ME2: variants seen among roughly 807,000 people sequenced by gnomAD.
ME2 encodes the protein NAD-dependent malic enzyme, mitochondrial.
A neutral mutation model predicts 73.7 loss-of-function variants in ME2; 60 were observed. That is an observed-to-expected ratio of 0.81 (90% CI 0.66 to 1.01). ME2 has a LOEUF of 1.01. ME2 is among the 50% of genes least tolerant of loss of function. The pLI is 0.00. For missense variants in ME2, 594 were observed against 705.5 expected (o/e 0.84, Z 1.79); for synonymous variants, 199 against 236.9 (o/e 0.84, Z 1.47).
intron 4 of ME2, among the ~76,000 whole-genome samples, chr18:50,913,869 A>ACACACACACACACACG (rs1917223073): frequency 2.0e-5 from 3 of 151,784 alleles, no homozygotes; most frequent in Admixed American, 1.3e-4. Context: ...ATACACACAC[A>ACACACACACACACACG]CACACACACA....
At chr18:50,886,167 T>A (rs574243835) in intron 1 of ME2, among the ~76,000 whole-genome samples, 2,623 of 149,010 alleles carry the variant, frequency 0.018, 73 homozygotes, top group African/African-American at 0.059. Flanking sequence ...ATTTAAAATT[T>A]AAAAAAAAAG....
At chr18:50,890,617 A>G (rs1916586229) in intron 1 of ME2, among the ~76,000 whole-genome samples, 1 of 152,212 alleles carries the variant, frequency 6.6e-6, no homozygotes, top group South Asian at 2.1e-4. Flanking sequence ...ACCTTTAAAT[A>G]ACCTCTAAAC....
chr18:50,925,198 G>A (rs1466929577), intron 11 of ME2, among the ~76,000 whole-genome samples: 3 of 152,118 alleles, frequency 2.0e-5, no homozygotes, highest in Non-Finnish European at 4.4e-5. Context: ...TTAAAAATTG[G>A]TTGGGCATGG....
chr18:50,888,959 A>G (rs768904733), intron 1 of ME2, among the ~76,000 whole-genome samples: 4 of 152,136 alleles, frequency 2.6e-5, no homozygotes, highest in African/African-American at 2.4e-5. Context: ...ATTTGTAAAG[A>G]TCAAGCCAGT....
At chr18:50,932,490 A>T (rs189147174) in intron 13 of ME2, 130 bp downstream of exon 13, 46 of 534,120 alleles carry the variant, frequency 8.6e-5, no homozygotes, top group Non-Finnish European at 1.4e-4. Context: ...GTACAAGGAA[A>T]CTCAAGGAAT....
chr18:50,907,740 G>A (rs616771), intron 2 of ME2, among the ~76,000 whole-genome samples: 103,913 of 151,992 alleles, frequency 0.68, 35,935 homozygotes, highest in African/African-American at 0.79. Flanking sequence ...ATGCCTTTGT[G>A]TGCCATTAAG....
intron 7 of ME2, among the ~76,000 whole-genome samples, chr18:50,918,815 A>G (rs1917352415): frequency 6.6e-6 from 1 of 150,770 alleles, no homozygotes; most frequent in African/African-American, 2.4e-5. Context: ...TATGCATGTT[A>G]CTACTAAACC....
At chr18:50,898,955 T>C (rs79249063) in intron 2 of ME2, among the ~76,000 whole-genome samples, 1 of 152,246 alleles carries the variant, frequency 6.6e-6, no homozygotes, top group Non-Finnish European at 1.5e-5. Flanking sequence ...TTTCTCCCCA[T>C]GCTCATTTGG....
intron 15 of ME2, chr18:50,945,271 C>G (rs1398318844): frequency 2.0e-5 from 3 of 152,234 alleles, no homozygotes; most frequent in African/African-American, 4.8e-5. Context: ...GTGCCCGCCA[C>G]CACGCCTGAC....
intron 2 of ME2, among the ~76,000 whole-genome samples, chr18:50,898,900 G>A (rs1340554391): frequency 6.6e-6 from 1 of 152,146 alleles, no homozygotes; most frequent in Non-Finnish European, 1.5e-5. Context: ...AATAGCATTT[G>A]GAAACATTTA....
At chr18:50,922,225 G>A (rs1233048925) in intron 10 of ME2, among the ~76,000 whole-genome samples, 1 of 152,212 alleles carries the variant, frequency 6.6e-6, no homozygotes, top group Non-Finnish European at 1.5e-5. Flanking sequence ...TGTAATAGTA[G>A]TTATATACCA....
intron 10 of ME2, among the ~76,000 whole-genome samples, chr18:50,921,829 T>A (rs1453531615): frequency 6.6e-6 from 1 of 152,206 alleles, no homozygotes; most frequent in African/African-American, 2.4e-5. Context: ...GAAACCAATT[T>A]ATGGATAATA....
intron 2 of ME2, among the ~76,000 whole-genome samples, chr18:50,902,368 T>TA (rs1916911329): frequency 6.6e-6 from 1 of 152,246 alleles, no homozygotes; most frequent in Non-Finnish European, 1.5e-5. Flanking sequence ...ATATGACTAA[T>TA]AAAAGATTTA....
chr18:50,929,500 A>AC (rs1277095859), intron 12 of ME2, among the ~76,000 whole-genome samples: 1 of 151,396 alleles, frequency 6.6e-6, no homozygotes, highest in African/African-American at 2.4e-5. Flanking sequence ...AAAAAAAAAA[A>AC]ACCAACAAAA....
intron 1 of ME2, among the ~76,000 whole-genome samples, chr18:50,894,681 C>G (rs902189582): frequency 1.3e-5 from 2 of 151,764 alleles, no homozygotes; most frequent in African/African-American, 4.8e-5. Flanking sequence ...CCATCCTGGA[C>G]AACACAGTGA....
At chr18:50,939,254 G>A (rs1917889419) in intron 13 of ME2, 1 of 197,194 alleles carries the variant, frequency 5.1e-6, no homozygotes, top group South Asian at 1.3e-4. Flanking sequence ...TGTAGAGCAA[G>A]AAGTGGAGTG....
At chr18:50,893,760 C>T (rs1916666431) in intron 1 of ME2, among the ~76,000 whole-genome samples, 1 of 152,198 alleles carries the variant, frequency 6.6e-6, no homozygotes, top group African/African-American at 2.4e-5. Flanking sequence ...TTTCCTCTTA[C>T]TCTTTCTGCT....
Position 50,948,353 on chromosome 18 carries a change from AT to A in ME2, c.*1171del, listed in dbSNP as rs1196858281. 6.6e-6 allele frequency: 1 copy of A among 152,152 alleles called. No homozygotes were observed. Among genetic ancestry groups the A allele is most frequent in the Non-Finnish European group, 1.5e-5 (1 of 68,036 alleles). The allele number at this position is 152,152 out of a possible 1,614,324, so 9.4% of individuals were successfully genotyped here. On this transcript the variant is annotated 3_prime_UTR_variant, in exon 16 of 16. Transcript: ENST00000321341. Reference sequence around the variant, plus strand: ...TCTTGTGTGGCTTGCATATTGAAGAATTCTAAAGGAAAATATATCTGCCTAC... The same window carrying A: ...TCTTGTGTGGCTTGCATATTGAAGAATCTAAAGGAAAATATATCTGCCTAC...
intron 10 of ME2, among the ~76,000 whole-genome samples, chr18:50,922,559 T>G (rs1917453096): frequency 6.6e-6 from 1 of 152,194 alleles, no homozygotes; most frequent in Non-Finnish European, 1.5e-5. Context: ...GTACTTCTTT[T>G]TGTAATGTTG....
Sources: allele counts gnomAD v4.1 joint callset (sites outside exome capture counted in the v4.1 genomes callset), GRCh38; gene constraint gnomAD v4.1.1; transcripts MANE v1.5; gene names NCBI Gene and HGNC (gene_info 2026-07-23, HGNC 2026-07-21).